CFAP92: variants seen among roughly 807,000 people sequenced by gnomAD.
CFAP92 encodes the protein cilia and flagella associated protein 92 (putative), also known as uncharacterized protein CFAP92.
A neutral mutation model predicts 106.3 loss-of-function variants in CFAP92; 86 were observed. The observed-to-expected ratio is 0.81, with a 90% CI of 0.68 to 0.97. CFAP92 has a LOEUF of 0.97. CFAP92 is among the 50% of genes least tolerant of loss of function. The probability of loss-of-function intolerance (pLI) is 0.00; values close to 1 mark genes in which losing one functional copy is unlikely to be tolerated. For synonymous variants in CFAP92, 477 were observed against 506.4 expected, an observed-to-expected ratio of 0.94 and a Z score of 0.78; for missense variants, 1,204 against 1,283.8, an observed-to-expected ratio of 0.94 and a Z score of 0.95.
chr3:128,986,936 G>A lies in CFAP92; in HGVS notation c.667+680C>T, dbSNP rs1943890640. ...AGTACTTCGAGAGGCCAAGGTGGGT[G>A]GATCACCTGAGGTCAGGAGTTCGAG... On this transcript the variant is annotated intron_variant, in intron 4 of 15. Coordinates refer to ENST00000645291, the MANE Select transcript of CFAP92 (RefSeq NM_001394090.1). 2.0e-5 allele frequency among the ~76,000 whole-genome samples: 3 copies of A among 152,324 alleles called. No homozygotes were observed. In the South Asian group the frequency reaches 6.2e-4, roughly 32 times the overall value.
intron 12 of CFAP92, among the ~76,000 whole-genome samples, chr3:128,926,730 G>A (rs1937688230): frequency 1.3e-5 from 2 of 152,136 alleles, no homozygotes; most frequent in South Asian, 4.1e-4. Flanking sequence ...ATTTGGAGTA[G>A]GGAAGTAATT....
At chr3:128,942,542 C>T (rs530784952) in intron 10 of CFAP92, among the ~76,000 whole-genome samples, 13 of 152,230 alleles carry the variant, frequency 8.5e-5, no homozygotes, top group Non-Finnish European at 1.5e-4. Context: ...CTGTGACTGT[C>T]AGGTGTGACC....
chr3:128,944,428 C>T (rs914071712), intron 10 of CFAP92, among the ~76,000 whole-genome samples: 6 of 152,168 alleles, frequency 3.9e-5, no homozygotes, highest in Non-Finnish European at 8.8e-5. Context: ...ACAGCCTCAA[C>T]TCCGGGACTC....
chr3:128,931,600 G>C (rs1938402483), intron 12 of CFAP92, among the ~76,000 whole-genome samples: 1 of 151,336 alleles, frequency 6.6e-6, no homozygotes, highest in East Asian at 1.9e-4. Context: ...TAGAAAAAAG[G>C]AGAAAGGTGT....
chr3:128,915,050 A>G, intron 15 of CFAP92, 69 bp downstream of exon 15: 3 of 1,446,166 alleles, frequency 2.1e-6, no homozygotes, highest in Middle Eastern at 2.3e-4. Context: ...CTGAAGATGC[A>G]GAGTGGCACA....
At chr3:128,982,151 G>C (rs150388007) in intron 4 of CFAP92, among the ~76,000 whole-genome samples, 8 of 152,364 alleles carry the variant, frequency 5.3e-5, no homozygotes, top group African/African-American at 1.7e-4. Flanking sequence ...TCTTCCAGTA[G>C]AAGGCTGTCT....
intron 10 of CFAP92, 138 bp downstream of exon 10, chr3:128,944,933 T>C: frequency 1.3e-6 from 1 of 754,050 alleles, no homozygotes; most frequent in Non-Finnish European, 2.1e-6. Flanking sequence ...TAAACCCTGG[T>C]AAGTACCTCA....
chr3:128,922,711 T>C (rs1226292482), intron 12 of CFAP92, among the ~76,000 whole-genome samples: 1 of 152,218 alleles, frequency 6.6e-6, no homozygotes, highest in African/African-American at 2.4e-5. Flanking sequence ...TCCTTGATTT[T>C]ACCATGTCAC....
intron 1 of CFAP92, among the ~76,000 whole-genome samples, chr3:128,999,632 A>G (rs1421414166): frequency 2.2e-5 from 3 of 136,050 alleles, no homozygotes; most frequent in African/African-American, 8.6e-5. Context: ...TCCGCCTCCC[A>G]GGTTCAAGCG....
intron 9 of CFAP92, among the ~76,000 whole-genome samples, chr3:128,948,406 T>G (rs112361637): frequency 0.03 from 3,052 of 100,836 alleles, 39 homozygotes; most frequent in Non-Finnish European, 0.048. Flanking sequence ...TTTTTTTTTG[T>G]AGAGACAGAG....
intron 8 of CFAP92, chr3:128,967,679 G>T (rs374819213): frequency 6.9e-6 from 1 of 144,108 alleles, no homozygotes; most frequent in Non-Finnish European, 1.5e-5. Context: ...TCCAGCCTGG[G>T]CAACAAGAGC....
chr3:128,943,763 C>CTGACCTCAGGAT (rs1207010052), intron 10 of CFAP92, among the ~76,000 whole-genome samples: 13 of 151,784 alleles, frequency 8.6e-5, no homozygotes, highest in Non-Finnish European at 1.8e-4. Flanking sequence ...TCCCGAACTC[C>CTGACCTCAGGAT]TGACCTCAGG....
Position 128,971,352 on chromosome 3 carries a change from G to A in CFAP92, c.1103C>T (p.Thr368Met), listed in dbSNP as rs528661988. 173 of 1,613,608 alleles carry A rather than the reference G, an allele frequency of 1.1e-4. 2 individuals carry two copies. In the South Asian group the frequency reaches 1.7e-3, roughly 15 times the overall value. Residue 368 changes from threonine (T) to methionine (M), a missense_variant, in exon 8 of 16, where the codon ACG becomes ATG. Coordinates refer to ENST00000645291, the MANE Select transcript of CFAP92 (RefSeq NM_001394090.1). ...KPLAEEEADP[T>M]LTGPRKQSAF... ...GCTCTGCTTCCTGGGGCCTGTCAGCGTGGGGTCTGCCTCTTCTTCTGCCAG... is the reference window on the plus strand; with the variant it reads ...GCTCTGCTTCCTGGGGCCTGTCAGCATGGGGTCTGCCTCTTCTTCTGCCAG...
At chr3:128,927,240 G>A (rs1195627905) in intron 12 of CFAP92, among the ~76,000 whole-genome samples, 2 of 152,046 alleles carry the variant, frequency 1.3e-5, no homozygotes, top group Admixed American at 6.6e-5. Context: ...TCTTAATTTT[G>A]GACGTTCCAG....
intron 6 of CFAP92, 64 bp downstream of exon 6, chr3:128,976,915 T>G: frequency 7.7e-7 from 1 of 1,291,592 alleles, no homozygotes; most frequent in African/African-American, 1.5e-5. Context: ...CTACCACGAC[T>G]CATAGTAGGG....
chr3:129,003,558 T>C (rs1004944019), upstream of CFAP92, among the ~76,000 whole-genome samples: 5 of 141,100 alleles, frequency 3.5e-5, no homozygotes, highest in Admixed American at 2.8e-4. Context: ...TGAAAAAACG[T>C]TGGGGGGTGG....
At chr3:129,018,192 G>T in the CFAP92 span, among the ~76,000 whole-genome samples, 1 of 152,202 alleles carries the variant, frequency 6.6e-6, no homozygotes, top group Non-Finnish European at 1.5e-5. Flanking sequence ...TGAGACCTCA[G>T]TTCTCCAGGC....
upstream of CFAP92, among the ~76,000 whole-genome samples, chr3:128,997,026 A>G (rs1944505768): frequency 6.6e-6 from 1 of 152,240 alleles, no homozygotes; most frequent in Non-Finnish European, 1.5e-5. Flanking sequence ...ACTCTGCTAC[A>G]TGCCATTAAC....
At chr3:129,026,111 T>C in the CFAP92 span, among the ~76,000 whole-genome samples, 1 of 152,368 alleles carries the variant, frequency 6.6e-6, no homozygotes, top group South Asian at 2.1e-4. Context: ...ATGAGGAAGA[T>C]GTTTGAAATA....
Sources: gnomAD v4.1 joint callset for allele counts (sites outside exome capture counted in the v4.1 genomes callset) on GRCh38, gnomAD v4.1.1 for gene constraint, MANE v1.5 for transcripts, NCBI Gene and HGNC (gene_info 2026-07-23, HGNC 2026-07-21) for gene names.